CPEB3: variants seen among roughly 807,000 people sequenced by gnomAD.
CPEB3 encodes cytoplasmic polyadenylation element binding protein 3.
A neutral mutation model predicts 67.2 loss-of-function variants in CPEB3; 20 were observed. The observed-to-expected ratio is 0.30, with a 90% CI of 0.21 to 0.43. CPEB3 has a LOEUF of 0.43. Ranked by LOEUF, CPEB3 falls within the 20% of genes least tolerant of loss-of-function variation. The probability of loss-of-function intolerance (pLI) is 1.00; values close to 1 mark genes in which losing one functional copy is unlikely to be tolerated. For missense variants in CPEB3, 746 were observed against 968.6 expected, an observed-to-expected ratio of 0.77 and a Z score of 3.05; for synonymous variants, 376 against 393.1, an observed-to-expected ratio of 0.96 and a Z score of 0.51.
At chr10:92,058,948 A>G (rs1012957938) in intron 9 of CPEB3, among the ~76,000 whole-genome samples, 2 of 152,328 alleles carry the variant, frequency 1.3e-5, no homozygotes, top group Middle Eastern at 3.4e-3. Flanking sequence ...AAAACATTCA[A>G]AAAAATTGAA....
intron 6 of CPEB3, among the ~76,000 whole-genome samples, chr10:92,125,273 C>T (rs1202514625): frequency 6.6e-6 from 1 of 152,234 alleles, no homozygotes; most frequent in African/African-American, 2.4e-5. Context: ...ACACTGTAAG[C>T]TGCCCAAGTA....
At chr10:92,138,239 G>C (rs79494469) in intron 6 of CPEB3, 1 of 222,880 alleles carries the variant, frequency 4.5e-6, no homozygotes, top group East Asian at 1.1e-4. Flanking sequence ...ATTGGTCGAG[G>C]TGGATGGTTT....
chr10:92,223,966 C>G (rs574149209), intron 2 of CPEB3, among the ~76,000 whole-genome samples: 179 of 152,200 alleles, frequency 1.2e-3, no homozygotes, highest in Non-Finnish European at 2.9e-4. Flanking sequence ...CTAGGTTGGT[C>G]TCTTTGGCCA....
At chr10:92,290,052 T>C (rs1842778776) in intron 1 of CPEB3, among the ~76,000 whole-genome samples, 1 of 151,516 alleles carries the variant, frequency 6.6e-6, no homozygotes, top group East Asian at 1.9e-4. Context: ...TCAAATATAC[T>C]TCGCAAATTT....
At chr10:92,169,007 G>A (rs545525894) in intron 4 of CPEB3, among the ~76,000 whole-genome samples, 1 of 150,890 alleles carries the variant, frequency 6.6e-6, no homozygotes, top group African/African-American at 2.4e-5. Flanking sequence ...TATTGGTCAG[G>A]CTGGTCTCAA....
intron 1 of CPEB3, among the ~76,000 whole-genome samples, chr10:92,289,959 A>G (rs933069584): frequency 1.4e-5 from 2 of 146,334 alleles, no homozygotes; most frequent in African/African-American, 5.1e-5. Context: ...TCTCAAAAAC[A>G]TATTTCAAAA....
intron 1 of CPEB3, among the ~76,000 whole-genome samples, chr10:92,286,710 C>T (rs1355150356): frequency 2.6e-5 from 4 of 151,964 alleles, no homozygotes; most frequent in Non-Finnish European, 5.9e-5. Flanking sequence ...GGAATGAGGA[C>T]TCAGCCTGCA....
chr10:92,091,400 C>G (rs1843613012), intron 8 of CPEB3, among the ~76,000 whole-genome samples: 1 of 151,934 alleles, frequency 6.6e-6, no homozygotes, highest in South Asian at 2.1e-4. Context: ...TTCAAACTCT[C>G]CAGTCAATTA....
intron 6 of CPEB3, among the ~76,000 whole-genome samples, chr10:92,130,013 G>A (rs914090691): frequency 1.3e-5 from 2 of 152,004 alleles, no homozygotes; most frequent in Non-Finnish European, 2.9e-5. Flanking sequence ...CTCTAGCCTG[G>A]GTGACAGAGT....
intron 7 of CPEB3, among the ~76,000 whole-genome samples, chr10:92,098,601 T>C (rs1310061182): frequency 2.0e-5 from 3 of 152,188 alleles, no homozygotes; most frequent in African/African-American, 7.2e-5. Flanking sequence ...TTTTCCTCAC[T>C]TATTTCTTGC....
chr10:92,280,367 AAG>A (rs1289992452), intron 1 of CPEB3, among the ~76,000 whole-genome samples: 5 of 129,356 alleles, frequency 3.9e-5, no homozygotes, highest in Admixed American at 8.1e-5. Context: ...AAAAAAAAAA[AAG>A]AGAGAGAGAG....
chr10:92,267,878 G>T (rs1259901726), intron 1 of CPEB3, among the ~76,000 whole-genome samples: 1 of 152,106 alleles, frequency 6.6e-6, no homozygotes. Context: ...GACTGCAGTG[G>T]CACGATCTCG....
chr10:92,059,852 G>GAGTC (rs1035882717), intron 9 of CPEB3, among the ~76,000 whole-genome samples: 1 of 151,542 alleles, frequency 6.6e-6, no homozygotes, highest in Admixed American at 6.6e-5. Context: ...AGCTACTGGG[G>GAGTC]AGTCTGAGGC....
chr10:92,220,078 C>G (rs778941931), intron 2 of CPEB3, among the ~76,000 whole-genome samples: 1 of 152,012 alleles, frequency 6.6e-6, no homozygotes, highest in Non-Finnish European at 1.5e-5. Flanking sequence ...ATGTTTGAAC[C>G]CAGGAGGTGG....
rs779319633 is a variant in CPEB3 at position 92,239,754 on chromosome 10, C to T, written c.597G>A (p.Ala199=). The change falls in exon 2 of 10, where the codon GCG becomes GCA. Residue 199 remains alanine, a synonymous_variant. Coordinates refer to ENST00000265997, the MANE Select transcript of CPEB3 (RefSeq NM_014912.5). This position sits in a 1 kb window ranked among gnomAD's most constrained non-coding sequence, Gnocchi z 6.0. ...CGGCGGCGCTCCTCTGCGCGTAGGGCGCCTGGCTGGGGCTGGCGGGTGAGC... is the reference window on the plus strand; with the variant it reads ...CGGCGGCGCTCCTCTGCGCGTAGGGTGCCTGGCTGGGGCTGGCGGGTGAGC... ...QRRSPASPSQ[A]PYAQRSAAAA... The T allele has an allele frequency of 1.4e-6, 2 of 1,471,378 alleles. No homozygotes were observed. Among genetic ancestry groups the T allele is most frequent in the South Asian group, 1.4e-5 (1 of 71,960 alleles). The allele number at this position is 1,471,378 out of a possible 1,614,324, so 91.1% of individuals were successfully genotyped here. A position where few individuals can be genotyped will look rare whatever the true frequency, so the allele number is the denominator to read the frequency against.
intron 1 of CPEB3, among the ~76,000 whole-genome samples, chr10:92,258,309 A>C (rs1852613509): frequency 6.6e-6 from 1 of 151,574 alleles, no homozygotes; most frequent in South Asian, 2.1e-4. Flanking sequence ...CATGTTGGCC[A>C]GGCTGGTCTT....
At chr10:92,099,203 T>C (rs990348082) in intron 7 of CPEB3, among the ~76,000 whole-genome samples, 3 of 146,682 alleles carry the variant, frequency 2.0e-5, no homozygotes, top group African/African-American at 2.6e-5. Flanking sequence ...AAACAAGACA[T>C]GCAATATGGG....
At chr10:92,223,771 C>CA (rs1850823961) in intron 2 of CPEB3, among the ~76,000 whole-genome samples, 1 of 139,854 alleles carries the variant, frequency 7.2e-6, no homozygotes, top group Non-Finnish European at 1.5e-5. Context: ...TTTTTTGAGT[C>CA]AGAGTCTCAC....
rs1390815522 is a variant in CPEB3 at position 92,099,377 on chromosome 10, T to TAGGGGCC, written c.1573-7440_1573-7434dup. The stretch of plus-strand genomic sequence containing the variant: ...ATGTTGCCCAGGCTGATCTTGAACT[T>TAGGGGCC]AGGGGCCCAAGCAATCTGCCCACCT... On this transcript the variant is annotated intron_variant, in intron 7 of 9. Coordinates refer to ENST00000265997, the MANE Select transcript of CPEB3 (RefSeq NM_014912.5). Among the ~76,000 whole-genome samples the TAGGGGCC allele has an allele frequency of 8.7e-5, 13 of 149,622 alleles. No individual in the cohort carries two copies. In the South Asian group the frequency reaches 2.2e-3, roughly 25 times the overall value.
Sources: allele counts gnomAD v4.1 joint callset (sites outside exome capture counted in the v4.1 genomes callset), GRCh38; gene constraint gnomAD v4.1.1; non-coding constraint Gnocchi (gnomAD v3.1); transcripts MANE v1.5; gene names NCBI Gene and HGNC (gene_info 2026-07-23, HGNC 2026-07-21).